SH3PXD2A: variants seen among roughly 807,000 people sequenced by gnomAD.
SH3PXD2A encodes SH3 and PX domains 2A.
SH3PXD2A carries 32 observed loss-of-function variants against 115.2 expected under a neutral mutation model. That is an observed-to-expected ratio of 0.28 (90% CI 0.21 to 0.37). The LOEUF is 0.37. SH3PXD2A is among the 10% of genes least tolerant of loss of function. The pLI, the probability that SH3PXD2A is intolerant of heterozygous loss-of-function variation, is 1.00. For missense variants in SH3PXD2A, 1,328 were observed against 1,498.7 expected, an observed-to-expected ratio of 0.89 and a Z score of 1.88; for synonymous variants, 610 against 629.1, an observed-to-expected ratio of 0.97 and a Z score of 0.45.
chr10:103,617,939 A>G (rs962657420), intron 10 of SH3PXD2A, among the ~76,000 whole-genome samples: 2 of 152,182 alleles, frequency 1.3e-5, no homozygotes, highest in African/African-American at 2.4e-5. Context: ...CCCAGGTCTC[A>G]TGGAAGCAGT....
chr10:103,700,617 G>A (rs896590685), intron 5 of SH3PXD2A, among the ~76,000 whole-genome samples: 1 of 152,204 alleles, frequency 6.6e-6, no homozygotes, highest in Non-Finnish European at 1.5e-5. Flanking sequence ...AGGAGGCAGG[G>A]TTAGGGGAAG....
intron 3 of SH3PXD2A, among the ~76,000 whole-genome samples, chr10:103,752,016 G>A (rs74157328): frequency 3.0e-4 from 45 of 152,266 alleles, no homozygotes; most frequent in African/African-American, 1.0e-3. Flanking sequence ...CTGATTCCCC[G>A]CCTCCCAAAC....
At chr10:103,654,703 C>T (rs1592284190) in intron 8 of SH3PXD2A, among the ~76,000 whole-genome samples, 1 of 152,278 alleles carries the variant, frequency 6.6e-6, no homozygotes, top group Admixed American at 6.5e-5. Flanking sequence ...AGGCATAAGC[C>T]ACCATTCCTG....
chr10:103,677,187 G>A (rs1334347975), intron 6 of SH3PXD2A, among the ~76,000 whole-genome samples: 4 of 152,156 alleles, frequency 2.6e-5, no homozygotes, highest in African/African-American at 9.7e-5. Context: ...TCTTGCTATC[G>A]GATTATCAAT....
chr10:103,653,556 CCA>C lies in SH3PXD2A; in HGVS notation c.604+7425_604+7426del, dbSNP rs2037162277. On this transcript the variant is annotated intron_variant, in intron 8 of 14. Transcript: ENST00000369774. ...TGGAGGAGTTTGGGACATGAGAGGT[CCA>C]CAGAGCCAGTAGGTCCACAGAGTCA... 2.0e-5 allele frequency among the ~76,000 whole-genome samples: 3 copies of C among 152,162 alleles called. No individual in the cohort carries two copies. The South Asian group carries it at 6.2e-4, about 32-fold the overall frequency.
At chr10:103,743,152 T>G (rs1219234597) in intron 3 of SH3PXD2A, among the ~76,000 whole-genome samples, 2 of 152,134 alleles carry the variant, frequency 1.3e-5, no homozygotes, top group Non-Finnish European at 2.9e-5. Context: ...CCGTGTTGTT[T>G]GCTGACAGAT....
At chr10:103,739,593 C>T (rs1589436181) in intron 3 of SH3PXD2A, among the ~76,000 whole-genome samples, 1 of 152,258 alleles carries the variant, frequency 6.6e-6, no homozygotes, top group South Asian at 2.1e-4. Context: ...AGGAAAATCC[C>T]CATGAAGGAA....
At chr10:103,758,402 T>TA (rs2038665614) in intron 3 of SH3PXD2A, among the ~76,000 whole-genome samples, 5 of 152,346 alleles carry the variant, frequency 3.3e-5, no homozygotes, top group South Asian at 2.1e-4. Context: ...CCTTGAGCTG[T>TA]AGCACCTGCC....
chr10:103,841,613 A>G (rs6584576), intron 1 of SH3PXD2A, among the ~76,000 whole-genome samples: 151,769 of 152,198 alleles, frequency 1, 75,678 homozygotes, highest in Middle Eastern at 1. Context: ...TACAAGGCTC[A>G]ACGTGACCCT....
At chr10:103,632,676 TG>T (rs1338416145) in intron 8 of SH3PXD2A, among the ~76,000 whole-genome samples, 1 of 152,246 alleles carries the variant, frequency 6.6e-6, no homozygotes, top group East Asian at 1.9e-4. Flanking sequence ...TCATCTCCCC[TG>T]GCATCAACAG....
chr10:103,709,126 C>T (rs1183072082), intron 5 of SH3PXD2A, among the ~76,000 whole-genome samples: 1 of 152,128 alleles, frequency 6.6e-6, no homozygotes, highest in Non-Finnish European at 1.5e-5. Flanking sequence ...TCCCTTCTCC[C>T]TGTCCATCAG....
intron 6 of SH3PXD2A, among the ~76,000 whole-genome samples, chr10:103,677,110 A>C (rs1333346154): frequency 3.7e-4 from 56 of 152,160 alleles, no homozygotes; most frequent in Non-Finnish European, 8.8e-5. Flanking sequence ...ATAGCAACGG[A>C]CTCAGGACAG....
chr10:103,803,489 C>T (rs1782204323), intron 1 of SH3PXD2A, among the ~76,000 whole-genome samples: 1 of 152,290 alleles, frequency 6.6e-6, no homozygotes, highest in East Asian at 1.9e-4. Flanking sequence ...ATTTAATCTT[C>T]AGCCCAATAA....
chr10:103,739,381 C>T (rs74157323), intron 3 of SH3PXD2A, among the ~76,000 whole-genome samples: 4,733 of 152,320 alleles, frequency 0.031, 235 homozygotes, highest in African/African-American at 0.1. Flanking sequence ...GGGGCTTCCC[C>T]CTTTCCCGCT....
intron 8 of SH3PXD2A, among the ~76,000 whole-genome samples, chr10:103,656,548 AG>A (rs2037214926): frequency 2.0e-5 from 3 of 152,154 alleles, no homozygotes; most frequent in African/African-American, 7.2e-5. Context: ...TCTGCATGGT[AG>A]CTGGGCGCGG....
intron 11 of SH3PXD2A, 87 bp from the exon 12 acceptor site, chr10:103,613,277 C>T (rs2036456586): frequency 2.0e-6 from 2 of 1,017,806 alleles, no homozygotes; most frequent in South Asian, 3.3e-5. Flanking sequence ...TGGCCTTGCC[C>T]AGTGGAGCCT....
At chr10:103,703,123 T>C (rs774401708) in intron 5 of SH3PXD2A, among the ~76,000 whole-genome samples, 3 of 152,174 alleles carry the variant, frequency 2.0e-5, no homozygotes, top group Non-Finnish European at 4.4e-5. Flanking sequence ...CCACCCAAAG[T>C]CAGGCTGTGC....
chr10:103,630,290 G>A lies in SH3PXD2A; in HGVS notation c.605-3088C>T, dbSNP rs896945258. On this transcript the variant is annotated intron_variant, in intron 8 of 14. Coordinates refer to ENST00000369774, the MANE Select transcript of SH3PXD2A (RefSeq NM_001394015.1). ...GGGAGTACTCTCAGGAACCCCAGCAGCCTCTGCCAGGAAGCACCAGTCCCA... is the reference window on the plus strand; with the variant it reads ...GGGAGTACTCTCAGGAACCCCAGCAACCTCTGCCAGGAAGCACCAGTCCCA... 2.0e-5 allele frequency among the ~76,000 whole-genome samples: 3 copies of A among 152,212 alleles called. No individual in the cohort carries two copies. The East Asian group carries it at 5.8e-4, about 29-fold the overall frequency.
chr10:103,667,377 A>G (rs117975133), intron 7 of SH3PXD2A, among the ~76,000 whole-genome samples: 2,910 of 152,324 alleles, frequency 0.019, 49 homozygotes, highest in South Asian at 0.039. Flanking sequence ...GGTTCCTCCC[A>G]GGCTGGACTG....
Sources: gnomAD v4.1 joint callset for allele counts (sites outside exome capture counted in the v4.1 genomes callset) on GRCh38, gnomAD v4.1.1 for gene constraint, MANE v1.5 for transcripts, NCBI Gene and HGNC (gene_info 2026-07-23, HGNC 2026-07-21) for gene names.